Variants in GPC6 observed in about 807,000 individuals in gnomAD.
GPC6 encodes glypican 6.
A neutral mutation model predicts 55.2 loss-of-function variants in GPC6; 14 were observed. That is an observed-to-expected ratio of 0.25 (90% confidence interval 0.17 to 0.40). The LOEUF (loss-of-function observed/expected upper bound fraction) is 0.40, where lower values mean the gene tolerates loss of function less well. Among genes scored for constraint, GPC6 ranks in the 10% least tolerant of loss-of-function variants. GPC6 has a pLI of 1.00. For missense variants in GPC6, 641 were observed against 708.5 expected, an observed-to-expected ratio of 0.90 and a Z score of 1.08; for synonymous variants, 278 against 259.6, an observed-to-expected ratio of 1.07 and a Z score of -0.68.
chr13:94,108,948 A>G (rs950410892), intron 4 of GPC6, among the ~76,000 whole-genome samples: 1 of 152,110 alleles, frequency 6.6e-6, no homozygotes, highest in Non-Finnish European at 1.5e-5. Context: ...CTTCTGCCTG[A>G]CTTACCACCT....
chr13:93,989,306 A>G (rs1026440618), intron 3 of GPC6, among the ~76,000 whole-genome samples: 5 of 152,148 alleles, frequency 3.3e-5, no homozygotes, highest in South Asian at 2.1e-4. Flanking sequence ...TGCAGGGACC[A>G]TGTGTTATTG....
intron 1 of GPC6, among the ~76,000 whole-genome samples, chr13:93,315,576 T>A (rs1181321121): frequency 6.6e-6 from 1 of 151,962 alleles, no homozygotes; most frequent in East Asian, 1.9e-4. Flanking sequence ...ATCATTCATT[T>A]TTGGAAATTT....
intron 4 of GPC6, among the ~76,000 whole-genome samples, chr13:94,064,014 C>G (rs958782541): frequency 3.9e-4 from 60 of 152,248 alleles, no homozygotes; most frequent in African/African-American, 1.4e-3. Context: ...TGCCACCACC[C>G]TTGTCTTGGT....
upstream of GPC6, among the ~76,000 whole-genome samples, chr13:93,223,606 C>T (rs549133269): frequency 1.3e-5 from 2 of 151,994 alleles, no homozygotes; most frequent in East Asian, 2.0e-4. Flanking sequence ...ATCACACCAG[C>T]GAATTTTTTG....
intron 4 of GPC6, among the ~76,000 whole-genome samples, chr13:94,271,004 T>G (rs1157199011): frequency 6.3e-5 from 5 of 79,284 alleles, no homozygotes; most frequent in African/African-American, 2.5e-4. Flanking sequence ...TTTTTTTTTT[T>G]TCTGAGACGG....
chr13:94,084,490 A>G (rs1885213596), intron 4 of GPC6, among the ~76,000 whole-genome samples: 1 of 152,220 alleles, frequency 6.6e-6, no homozygotes, highest in African/African-American at 2.4e-5. Context: ...ATATGAATTT[A>G]TATCCCCAGG....
At chr13:94,219,299 A>G (rs1440212697) in intron 4 of GPC6, among the ~76,000 whole-genome samples, 2 of 152,130 alleles carry the variant, frequency 1.3e-5, no homozygotes, top group Admixed American at 1.3e-4. Flanking sequence ...GGACTTCCTG[A>G]CTATCAAGGG....
At chr13:93,360,384 C>T (rs1009833949) in intron 1 of GPC6, among the ~76,000 whole-genome samples, 10 of 151,968 alleles carry the variant, frequency 6.6e-5, no homozygotes, top group South Asian at 2.1e-4. Context: ...ATGTCCAGGG[C>T]GTGAGAGTGA....
At chr13:93,841,292 C>T (rs535003822) in intron 3 of GPC6, among the ~76,000 whole-genome samples, 2 of 152,172 alleles carry the variant, frequency 1.3e-5, no homozygotes, top group South Asian at 2.1e-4. Flanking sequence ...ATAGGGAATA[C>T]GACATCCTAA....
intron 4 of GPC6, among the ~76,000 whole-genome samples, chr13:94,164,945 G>A (rs1360952038): frequency 6.6e-6 from 1 of 151,928 alleles, no homozygotes; most frequent in Admixed American, 6.6e-5. Flanking sequence ...CTTCAAAGTT[G>A]TATTCATGAA....
At chr13:93,826,524 A>G (rs1887259451) in intron 2 of GPC6, among the ~76,000 whole-genome samples, 1 of 152,102 alleles carries the variant, frequency 6.6e-6, no homozygotes, top group Admixed American at 6.6e-5. Context: ...GAGAGCATGA[A>G]AAAAAATAGG....
intron 3 of GPC6, among the ~76,000 whole-genome samples, chr13:93,843,068 C>T (rs1047847033): frequency 4.2e-5 from 6 of 142,624 alleles, no homozygotes; most frequent in African/African-American, 7.6e-5. Context: ...TTCCCCACCT[C>T]GGTGGCACTT....
intron 1 of GPC6, among the ~76,000 whole-genome samples, chr13:93,312,758 T>C (rs1879117275): frequency 6.6e-6 from 1 of 152,198 alleles, no homozygotes; most frequent in Admixed American, 6.5e-5. Context: ...TGGTTTAGAA[T>C]ACTGCAGAAA....
At chr13:93,846,784 A>G (rs2139005984) in intron 3 of GPC6, among the ~76,000 whole-genome samples, 1 of 152,306 alleles carries the variant, frequency 6.6e-6, no homozygotes, top group South Asian at 2.1e-4. Context: ...ATTGCACTCC[A>G]GCCTCAAATT....
chr13:94,231,888 A>T (rs1376606106), intron 4 of GPC6, among the ~76,000 whole-genome samples: 1 of 152,170 alleles, frequency 6.6e-6, no homozygotes, highest in African/African-American at 2.4e-5. Flanking sequence ...TTTAATAAAA[A>T]TTTTTAAAAA....
chr13:93,322,419 T>G (rs965444035), intron 1 of GPC6, among the ~76,000 whole-genome samples: 26 of 148,968 alleles, frequency 1.7e-4, no homozygotes, highest in Non-Finnish European at 3.0e-4. Flanking sequence ...AATTCTTTTT[T>G]TTTTCTTTCT....
intron 1 of GPC6, among the ~76,000 whole-genome samples, chr13:93,380,110 C>G (rs553878848): frequency 2.3e-4 from 35 of 152,136 alleles, no homozygotes; most frequent in Non-Finnish European, 3.1e-4. Context: ...GAGAAAATAT[C>G]TCTCTGATTG....
chr13:93,624,426 G>A lies in GPC6; in HGVS notation c.319+79005G>A, dbSNP rs533359423. Among the ~76,000 whole-genome samples, 14 of 152,214 alleles carry A rather than the reference G, an allele frequency of 9.2e-5. No individual in the cohort carries two copies. The East Asian group carries it at 1.2e-3, about 13-fold the overall frequency. On this transcript the variant is annotated intron_variant, in intron 2 of 8. Transcript: ENST00000377047. ...TCATTTCAAAAGCAGGGCTTTATAC[G>A]TCTCAATTTCAATCTGTGTTATCTT...
intron 1 of GPC6, among the ~76,000 whole-genome samples, chr13:93,451,667 T>G (rs1878228722): frequency 6.6e-6 from 1 of 152,204 alleles, no homozygotes; most frequent in Non-Finnish European, 1.5e-5. Context: ...TAACTGACCC[T>G]CTACAAAAAT....
Sources: gnomAD v4.1 joint callset for allele counts (sites outside exome capture counted in the v4.1 genomes callset) on GRCh38, gnomAD v4.1.1 for gene constraint, MANE v1.5 for transcripts, NCBI Gene and HGNC (gene_info 2026-07-23, HGNC 2026-07-21) for gene names.